The following KCNAB1 variants were observed in gnomAD, a reference collection of about 807,000 sequenced individuals.
KCNAB1 encodes voltage-gated potassium channel subunit beta-1.
KCNAB1 carries 35 observed loss-of-function variants against 64.6 expected under a neutral mutation model. That is an observed-to-expected ratio of 0.54 (90% CI 0.41 to 0.72). The LOEUF (loss-of-function observed/expected upper bound fraction) is 0.72. Among genes scored for constraint, KCNAB1 ranks in the 30% least tolerant of loss-of-function variants. The pLI is 0.00. For synonymous variants in KCNAB1, 177 were observed against 183.8 expected (o/e 0.96, Z 0.30); for missense variants, 401 against 512.9 (o/e 0.78, Z 2.11).
chr3:156,502,469 A>G lies in KCNAB1; in HGVS notation c.659-11895A>G, dbSNP rs375730610. ...GGGACTATTCAATAAATGGACATGG[A>G]AAAAGTGGCATTCTATTTTCTATAA... On this transcript the variant is annotated intron_variant, in intron 8 of 13. Transcript: ENST00000490337. 2.5e-4 allele frequency among the ~76,000 whole-genome samples: 38 copies of G among 152,142 alleles called. No individual in the cohort carries two copies. The East Asian group carries it at 4.6e-3, about 19-fold the overall frequency.
chr3:156,438,246 A>G (rs1360936521), intron 2 of KCNAB1, among the ~76,000 whole-genome samples: 2 of 152,190 alleles, frequency 1.3e-5, no homozygotes, highest in African/African-American at 4.8e-5. Flanking sequence ...GTACCTGGGA[A>G]CATTTTTCTT....
chr3:156,143,414 C>T, intron 1 of KCNAB1: 1 of 1,575,552 alleles, frequency 6.3e-7, no homozygotes, highest in East Asian at 2.2e-5. Flanking sequence ...ACGGGCATGG[C>T]ATACAGGTAC....
intron 1 of KCNAB1, among the ~76,000 whole-genome samples, chr3:156,293,232 C>T (rs115909451): frequency 1.0e-3 from 153 of 152,330 alleles, no homozygotes; most frequent in Non-Finnish European, 1.9e-3. Context: ...TTTAAAACTA[C>T]TGTGCTTCTA....
intron 1 of KCNAB1, among the ~76,000 whole-genome samples, chr3:156,296,476 C>CCCCCTT (rs1560180770): frequency 9.0e-6 from 1 of 111,072 alleles, no homozygotes; most frequent in South Asian, 3.7e-4. Flanking sequence ...CCCCCCCCAC[C>CCCCCTT]TTTTTTTTTT....
intron 5 of KCNAB1, among the ~76,000 whole-genome samples, chr3:156,462,323 T>C (rs774270248): frequency 6.6e-6 from 1 of 152,228 alleles, no homozygotes; most frequent in South Asian, 2.1e-4. Flanking sequence ...GTATAGAATA[T>C]GCAGCTTTGA....
chr3:156,250,726 T>G (rs1024770587), intron 1 of KCNAB1, among the ~76,000 whole-genome samples: 6 of 152,088 alleles, frequency 3.9e-5, no homozygotes. Context: ...CAGGAGATGA[T>G]GTGGAAAGGG....
At chr3:156,428,254 T>G (rs1265131121) in intron 2 of KCNAB1, among the ~76,000 whole-genome samples, 1 of 152,138 alleles carries the variant, frequency 6.6e-6, no homozygotes, top group Non-Finnish European at 1.5e-5. Context: ...ACAAAAATAC[T>G]TGCCCTCCTG....
chr3:156,368,495 G>T (rs938723408), intron 1 of KCNAB1, among the ~76,000 whole-genome samples: 3 of 152,156 alleles, frequency 2.0e-5, no homozygotes, highest in Admixed American at 6.5e-5. Context: ...TGCAATCATA[G>T]CTCACTGCAG....
At chr3:156,527,930 T>G (rs1718437311) in intron 12 of KCNAB1, among the ~76,000 whole-genome samples, 2 of 152,190 alleles carry the variant, frequency 1.3e-5, no homozygotes, top group Admixed American at 6.5e-5. Flanking sequence ...TGGACATACT[T>G]GCTAGTGACA....
At chr3:156,412,907 T>G (rs774376289) in intron 1 of KCNAB1, among the ~76,000 whole-genome samples, 2 of 152,224 alleles carry the variant, frequency 1.3e-5, no homozygotes, top group Non-Finnish European at 2.9e-5. Flanking sequence ...GCTTCATTGT[T>G]TTGATGGGGG....
intron 1 of KCNAB1, among the ~76,000 whole-genome samples, chr3:156,367,347 T>C (rs1394222408): frequency 6.6e-6 from 1 of 151,424 alleles, no homozygotes; most frequent in Non-Finnish European, 1.5e-5. Flanking sequence ...AGCTAATTTT[T>C]TTTTTTTGTA....
chr3:156,256,605 G>T (rs777549883), intron 1 of KCNAB1, among the ~76,000 whole-genome samples: 1 of 152,236 alleles, frequency 6.6e-6, no homozygotes, highest in African/African-American at 2.4e-5. Context: ...CGTTGAATCA[G>T]CCCATTCCAC....
At chr3:156,197,795 A>G (rs537663388) in intron 1 of KCNAB1, among the ~76,000 whole-genome samples, 4 of 152,042 alleles carry the variant, frequency 2.6e-5, no homozygotes, top group Non-Finnish European at 4.4e-5. Flanking sequence ...TATCTCCTTT[A>G]GTTCTGCTCT....
Position 156,537,297 on chromosome 3 carries a change from A to AG in KCNAB1, c.*550_*551insG. ...GTCTTGCTTGGAAGAATAAGCAGAAATAATTTTATATATTTTTTTTCTATT... is the reference window on the plus strand; with the variant it reads ...GTCTTGCTTGGAAGAATAAGCAGAAAGTAATTTTATATATTTTTTTTCTATT... On this transcript the variant is annotated 3_prime_UTR_variant, in exon 14 of 14. Coordinates refer to ENST00000490337, the MANE Select transcript of KCNAB1 (RefSeq NM_172160.3). 1 of 374,398 alleles carries AG rather than the reference A, an allele frequency of 2.7e-6. No individual in the cohort carries two copies. 23.2% of individuals were successfully genotyped at this position (374,398 alleles called of 1,614,324 possible). A position where few individuals can be genotyped will look rare whatever the true frequency, so the allele number is the denominator to read the frequency against.
chr3:156,406,197 C>T (rs760218196), intron 1 of KCNAB1, among the ~76,000 whole-genome samples: 22 of 152,254 alleles, frequency 1.4e-4, no homozygotes, highest in Middle Eastern at 6.8e-3. Flanking sequence ...ATAGTGAATA[C>T]AAGACTGTAG....
intron 1 of KCNAB1, among the ~76,000 whole-genome samples, chr3:156,156,245 T>C (rs1272438850): frequency 1.3e-5 from 2 of 151,410 alleles, no homozygotes; most frequent in African/African-American, 4.8e-5. Flanking sequence ...AGATTTTTCT[T>C]TGGGCAAGAT....
At chr3:156,217,091 G>A (rs542201982) in intron 1 of KCNAB1, 1 of 152,200 alleles carries the variant, frequency 6.6e-6, no homozygotes, top group South Asian at 2.1e-4. Context: ...GTTTGCCAAA[G>A]GCATGAAAAC....
At chr3:156,474,159 A>G (rs1225859111) in intron 7 of KCNAB1, among the ~76,000 whole-genome samples, 7 of 152,230 alleles carry the variant, frequency 4.6e-5, no homozygotes, top group East Asian at 3.9e-4. Flanking sequence ...GCTATATTTT[A>G]TGTTCCTTAA....
At chr3:156,426,977 A>T (rs1715865596) in intron 2 of KCNAB1, among the ~76,000 whole-genome samples, 1 of 152,198 alleles carries the variant, frequency 6.6e-6, no homozygotes, top group African/African-American at 2.4e-5. Flanking sequence ...AATAGAGGGA[A>T]CAGGGTTGAG....
Sources: gnomAD v4.1 joint callset for allele counts (sites outside exome capture counted in the v4.1 genomes callset) on GRCh38, gnomAD v4.1.1 for gene constraint, MANE v1.5 for transcripts, NCBI Gene and HGNC (gene_info 2026-07-23, HGNC 2026-07-21) for gene names.